Variants in PRKCH observed in about 807,000 individuals in gnomAD.
PRKCH encodes protein kinase C eta.
PRKCH carries 28 observed loss-of-function variants against 82.5 expected under a neutral mutation model. That is an observed-to-expected ratio of 0.34 (90% CI 0.25 to 0.47). The LOEUF is 0.47. Ranked by LOEUF, PRKCH falls within the 20% of genes least tolerant of loss-of-function variation. PRKCH has a pLI of 1.00. For synonymous variants in PRKCH, 322 were observed against 327.4 expected, an observed-to-expected ratio of 0.98 and a Z score of 0.18; for missense variants, 705 against 881.8, an observed-to-expected ratio of 0.80 and a Z score of 2.54.
chr14:61,411,222 C>A (rs926220864), intron 2 of PRKCH, among the ~76,000 whole-genome samples: 1 of 152,200 alleles, frequency 6.6e-6, no homozygotes, highest in Non-Finnish European at 1.5e-5. Flanking sequence ...GTTCATGTAC[C>A]AGTCCCTTGT....
chr14:61,519,426 A>G (rs1040094769), intron 10 of PRKCH, among the ~76,000 whole-genome samples: 2 of 152,150 alleles, frequency 1.3e-5, no homozygotes, highest in Admixed American at 1.3e-4. Flanking sequence ...AAAGAGGGTG[A>G]AGTAACCAGA....
At chr14:61,241,573 C>T (rs2044837431) in intron 1 of PRKCH, among the ~76,000 whole-genome samples, 1 of 101,638 alleles carries the variant, frequency 9.8e-6, no homozygotes. Context: ...TTTTAGGAGT[C>T]CTAGGCCAGA....
At chr14:61,316,996 G>A (rs1250207045), upstream of PRKCH, among the ~76,000 whole-genome samples, 1 of 152,216 alleles carries the variant, frequency 6.6e-6, no homozygotes, top group Non-Finnish European at 1.5e-5. Flanking sequence ...AGGGTAGCTT[G>A]ACAATTACCA....
intron 1 of PRKCH, among the ~76,000 whole-genome samples, chr14:61,344,787 A>T (rs528490394): frequency 6.6e-6 from 1 of 152,220 alleles, no homozygotes; most frequent in African/African-American, 2.4e-5. Flanking sequence ...CCGCCTGCCT[A>T]TGTGACCTGT....
chr14:61,370,994 C>A, intron 1 of PRKCH, among the ~76,000 whole-genome samples: 1 of 152,048 alleles, frequency 6.6e-6, no homozygotes, highest in East Asian at 1.9e-4. Flanking sequence ...TCTAGAAAGG[C>A]CAGATATTCT....
chr14:61,187,677 G>A (rs1033618032), intron 1 of PRKCH: 30 of 152,272 alleles, frequency 2.0e-4, no homozygotes, highest in African/African-American at 7.2e-4. Flanking sequence ...GGGTAAGCAT[G>A]TGCTTGAGTG....
At chr14:61,367,062 G>A (rs890664362) in intron 1 of PRKCH, among the ~76,000 whole-genome samples, 42 of 152,068 alleles carry the variant, frequency 2.8e-4, no homozygotes, top group African/African-American at 9.4e-4. Context: ...GCTTGTGGAA[G>A]CAATGACCCA....
At chr14:61,222,106 T>C (rs2044661029) in intron 1 of PRKCH, among the ~76,000 whole-genome samples, 1 of 152,202 alleles carries the variant, frequency 6.6e-6, no homozygotes, top group Non-Finnish European at 1.5e-5. Flanking sequence ...AAACAGAGTC[T>C]GTAAAGTGAT....
chr14:61,348,684 A>T (rs7150838), intron 1 of PRKCH, among the ~76,000 whole-genome samples: 1 of 152,240 alleles, frequency 6.6e-6, no homozygotes, highest in African/African-American at 2.4e-5. Flanking sequence ...AAAAGCCACT[A>T]TGGGTAGCCA....
chr14:61,310,775 A>G (rs991342084), intron 1 of PRKCH, among the ~76,000 whole-genome samples: 10 of 152,272 alleles, frequency 6.6e-5, no homozygotes, highest in Admixed American at 6.5e-4. Context: ...GAGGTTCTCC[A>G]TAAGGGCTCT....
chr14:61,283,978 T>C (rs1371735523), intron 1 of PRKCH, among the ~76,000 whole-genome samples: 7 of 152,092 alleles, frequency 4.6e-5, no homozygotes, highest in Admixed American at 3.3e-4. Context: ...CTTTTTTAGA[T>C]GTCAGAGAAG....
chr14:61,298,706 G>A lies in PRKCH; in HGVS notation c.-19+111038G>A, dbSNP rs2045424903. ...TACGTAGATATCTGAGAGTAAGAGG[G>A]TAGTTTTTTTGTTTTTGTTTTTGTT... is the stretch of plus-strand genomic sequence containing the variant. On this transcript the variant is annotated intron_variant, in intron 1 of 3. Transcript: ENST00000555185. 3 of 151,044 alleles carry A rather than the reference G, an allele frequency of 2.0e-5. No homozygotes were observed. In the South Asian group the frequency reaches 6.2e-4, roughly 31 times the overall value. 9.4% of individuals were successfully genotyped at this position (151,044 alleles called of 1,614,324 possible). A position where few individuals can be genotyped will look rare whatever the true frequency, so the allele number is the denominator to read the frequency against.
At chr14:61,542,517 A>T (rs1022453456) in intron 12 of PRKCH, among the ~76,000 whole-genome samples, 3 of 151,922 alleles carry the variant, frequency 2.0e-5, no homozygotes, top group African/African-American at 2.4e-5. Context: ...CTCAGAAATT[A>T]AAAAAAAGCA....
chr14:61,534,330 T>C (rs1176408258), intron 12 of PRKCH, among the ~76,000 whole-genome samples: 1 of 152,184 alleles, frequency 6.6e-6, no homozygotes, highest in Non-Finnish European at 1.5e-5. Flanking sequence ...CATCAACAGA[T>C]GAATAGATAA....
intron 10 of PRKCH, among the ~76,000 whole-genome samples, chr14:61,503,661 G>A (rs1411833598): frequency 1.3e-5 from 2 of 152,128 alleles, no homozygotes; most frequent in South Asian, 2.1e-4. Flanking sequence ...AAGTTTTTAT[G>A]TCCAGGAAGG....
intron 1 of PRKCH, among the ~76,000 whole-genome samples, chr14:61,206,437 G>A (rs1384445765): frequency 1.3e-5 from 2 of 152,122 alleles, no homozygotes; most frequent in Non-Finnish European, 2.9e-5. Flanking sequence ...ATTGGATTTG[G>A]GGCCTGCCCA....
intron 1 of PRKCH, among the ~76,000 whole-genome samples, chr14:61,245,780 T>G (rs1017444477): frequency 1.3e-5 from 2 of 152,220 alleles, no homozygotes; most frequent in Admixed American, 1.3e-4. Context: ...GTTACCATGT[T>G]CAGGTTCATT....
In PRKCH at chr14:61,507,086, A is replaced by G. The variant is rs148687089; in HGVS notation, c.1433+21430A>G. Among the ~76,000 whole-genome samples the G allele has an allele frequency of 2.1e-3, 317 of 152,310 alleles. 1 individual carries two copies. The highest frequency in any genetic ancestry group is 7.2e-3 in the African/African-American group (300 of 41,528). On this transcript the variant is annotated intron_variant, in intron 10 of 13. Transcript: ENST00000332981. ...GCATATAAGCAACTTATACAACCCA[A>G]TAGCAAAAACTAATAATAATAACCT...
intron 2 of PRKCH, among the ~76,000 whole-genome samples, chr14:61,441,033 T>C (rs1204029536): frequency 6.6e-6 from 1 of 151,760 alleles, no homozygotes; most frequent in Non-Finnish European, 1.5e-5. Context: ...TCCTCCCTAG[T>C]AGCTGAGACC....
Sources: gnomAD v4.1 joint callset for allele counts (sites outside exome capture counted in the v4.1 genomes callset) on GRCh38, gnomAD v4.1.1 for gene constraint, MANE v1.5 for transcripts, NCBI Gene and HGNC (gene_info 2026-07-23, HGNC 2026-07-21) for gene names.